Variants in MADD observed in about 807,000 individuals in gnomAD.
MADD encodes MAP kinase-activating death domain protein.
Under a neutral mutation model 176.7 loss-of-function variants are expected in MADD, and 109 were observed. The ratio of observed to expected loss-of-function variants is 0.62; its 90% CI spans 0.53 to 0.72. MADD has a LOEUF of 0.72. Among genes scored for constraint, MADD ranks in the 30% least tolerant of loss-of-function variants. The pLI, the probability that MADD is intolerant of heterozygous loss-of-function variation, is 0.00. For missense variants in MADD, 1,914 were observed against 2,045.5 expected (o/e 0.94, Z 1.24); for synonymous variants, 771 against 771.3 (o/e 1.00, Z 0.01).
rs760429681 is a variant in MADD, at chr11:47,289,466, C to T, written c.2729C>T (p.Ser910Leu). The change falls in exon 16 of 33, where the codon TCA becomes TTA. Residue 910 changes from serine (S) to leucine (L), a missense_variant. Ser to Leu is a moderately radical substitution (Grantham distance 145). Around this residue, in one of 2 missense-constraint regions of MADD, gnomAD observed 1,767 missense variants for 1,836.0 expected, o/e 0.96. Coordinates refer to ENST00000402192, the Ensembl canonical transcript of MADD. ...CCAACAGTGAAAAGAGAACCTCCAT[C>T]ACCCCAGGGTCGATCCAGCAATTCT... 28 of 1,614,038 alleles carry T rather than the reference C, an allele frequency of 1.7e-5. No individual in the cohort carries two copies. In the East Asian group the frequency reaches 6.2e-4, roughly 36 times the overall value.
chr11:47,317,260 T>G (rs1477913984), intron 27 of MADD, among the ~76,000 whole-genome samples: 2 of 152,214 alleles, frequency 1.3e-5, no homozygotes, highest in African/African-American at 4.8e-5. Context: ...AATTTGCTGT[T>G]ACTGATAGTC....
chr11:47,290,067 G>A lies in MADD; in HGVS notation c.2943+14G>A. On this transcript the variant is annotated intron_variant, in intron 17 of 32. Coordinates refer to ENST00000402192, the Ensembl canonical transcript of MADD. ...ATCCCGGATGTGGTCAGTGTTGGGG[G>A]TAGGGAATCGGAGTAACTGGAGAGA... 1 of 1,613,260 alleles carries A rather than the reference G, an allele frequency of 6.2e-7. No individual in the cohort carries two copies. Among genetic ancestry groups the A allele is most frequent in the Non-Finnish European group, 8.5e-7 (1 of 1,179,186 alleles).
chr11:47,275,009 G>T (rs752898668), exon 3 of MADD: 4 of 1,614,192 alleles, frequency 2.5e-6, no homozygotes, highest in South Asian at 1.1e-5. Flanking sequence ...AGCCGCTCCC[G>T]CAACAGTACT....
At chr11:47,284,966 A>G (rs2059599193) in exon 13 of MADD, 1 of 1,613,698 alleles carries the variant, frequency 6.2e-7, no homozygotes, top group African/African-American at 1.3e-5. Context: ...ACGGAGATGG[A>G]TGATAAGGCA....
At chr11:47,326,844 A>G (rs931561868) in intron 31 of MADD, 37 bp downstream of exon 35, 9 of 1,613,000 alleles carry the variant, frequency 5.6e-6, no homozygotes, top group South Asian at 2.2e-5. Flanking sequence ...CTGGACTCAC[A>G]TGGCAGTAAC....
In MADD at chr11:47,308,637, G is replaced by A. The variant is rs1275813215; in HGVS notation, c.3689G>A (p.Gly1230Asp). Residue 1230 changes from glycine (G) to aspartate (D), a missense_variant, in exon 23 of 33, where the codon GGC (glycine) becomes GAC (aspartate). Gly to Asp is a moderately conservative substitution (Grantham distance 94). Coordinates refer to ENST00000402192, the Ensembl canonical transcript of MADD. ...CCAAGCATAAAGGAGAAGCTGGCAG[G>A]CAGCCCCATTCGTACTTCTGAAGAT... 6.2e-7 allele frequency: 1 copy of A among 1,614,054 alleles called. No individual in the cohort carries two copies. Among genetic ancestry groups the A allele is most frequent in the Non-Finnish European group, 8.5e-7 (1 of 1,179,984 alleles).
intron 25 of MADD, among the ~76,000 whole-genome samples, chr11:47,310,382 A>C (rs1001590347): frequency 6.6e-6 from 1 of 150,730 alleles, no homozygotes; most frequent in East Asian, 2.0e-4. Context: ...GGGTTTCACA[A>C]TGTTGGCCAG....
chr11:47,314,231 CAAAA>C (rs751848858), intron 26 of MADD, among the ~76,000 whole-genome samples: 56 of 119,974 alleles, frequency 4.7e-4, no homozygotes, highest in Non-Finnish European at 8.6e-4. Context: ...GACCCTGTCT[CAAAA>C]AAAAAAAAAA....
chr11:47,278,065 G>A (rs2052233366), intron 5 of MADD, 100 bp from the exon 6 acceptor site: 1 of 795,860 alleles, frequency 1.3e-6, no homozygotes, highest in Non-Finnish European at 2.2e-6. Context: ...TTTTGGAAGA[G>A]GGATTGTATC....
At chr11:47,306,393 C>T (rs1343995809) in intron 22 of MADD, among the ~76,000 whole-genome samples, 1 of 152,194 alleles carries the variant, frequency 6.6e-6, no homozygotes, top group Non-Finnish European at 1.5e-5. Context: ...GATGGCATAG[C>T]ACAGTAGCTG....
At chr11:47,322,583 G>C (rs1167187824) in intron 27 of MADD, among the ~76,000 whole-genome samples, 1 of 152,174 alleles carries the variant, frequency 6.6e-6, no homozygotes, top group Non-Finnish European at 1.5e-5. Context: ...CTGCACTCCA[G>C]CCTGGGCGAC....
In MADD at chr11:47,292,582, C is replaced by T. The variant is rs201666185; in HGVS notation, c.3302-1301C>T. ...CACCAGGAAGTGAAAAAGCAAAAAG[C>T]TTTGGAAAAACAGAGTAAGGAACAA... On this transcript the variant is annotated intron_variant, in intron 19 of 32. Coordinates refer to ENST00000402192, the Ensembl canonical transcript of MADD. The T allele has an allele frequency of 4.3e-6, 7 of 1,613,994 alleles. No homozygotes were observed. In the East Asian group the frequency reaches 8.9e-5, roughly 21 times the overall value.
chr11:47,290,009 G>A, exon 17 of MADD: 1 of 1,614,208 alleles, frequency 6.2e-7, no homozygotes, highest in Non-Finnish European at 8.5e-7. Flanking sequence ...GAACCGCATG[G>A]TGCAGTCAGA....
At chr11:47,273,136 G>A (rs1450578776) in intron 1 of MADD, among the ~76,000 whole-genome samples, 1 of 152,212 alleles carries the variant, frequency 6.6e-6, no homozygotes, top group Non-Finnish European at 1.5e-5. Flanking sequence ...AGACCTAGAA[G>A]TGCAGGTTAG....
intron 12 of MADD, 117 bp downstream of exon 12, chr11:47,284,682 C>T (rs2059387268): frequency 7.3e-7 from 1 of 1,368,034 alleles, no homozygotes; most frequent in Admixed American, 2.2e-5. Flanking sequence ...TCTCATCTTC[C>T]TCTTCATGGG....
chr11:47,309,642 G>A (rs759188273), intron 25 of MADD, 30 bp downstream of exon 28: 27 of 1,544,558 alleles, frequency 1.7e-5, no homozygotes, highest in South Asian at 5.6e-5. Flanking sequence ...GTCCAGCTCC[G>A]CTGATCCTAG....
intron 22 of MADD, among the ~76,000 whole-genome samples, chr11:47,299,585 CTTTT>C (rs1185948034): frequency 0.03 from 1,252 of 41,338 alleles, 18 homozygotes; most frequent in African/African-American, 0.13. Context: ...GATTTTAGGG[CTTTT>C]TTTTTTTTTT....
chr11:47,289,731 G>A, intron 16 of MADD, 136 bp from the exon 18 acceptor site: 1 of 1,015,200 alleles, frequency 9.9e-7, no homozygotes, highest in Non-Finnish European at 1.5e-6. Context: ...AGAGAGGTGG[G>A]GATGTGGTGC....
At chr11:47,291,243 C>A (rs891716925) in intron 19 of MADD, among the ~76,000 whole-genome samples, 1 of 152,182 alleles carries the variant, frequency 6.6e-6, no homozygotes, top group African/African-American at 2.4e-5. Context: ...CCATTATACT[C>A]CTCTGGAATG....
Sources: allele counts gnomAD v4.1 joint callset (sites outside exome capture counted in the v4.1 genomes callset), GRCh38; gene constraint gnomAD v4.1.1; regional missense constraint gnomAD v4.1.1; transcripts MANE v1.5; gene names NCBI Gene and HGNC (gene_info 2026-07-23, HGNC 2026-07-21).